The following KRTAP22-2 variants were observed in gnomAD, a reference collection of about 807,000 sequenced individuals.
The protein encoded by KRTAP22-2 is keratin-associated protein 22-2.
For synonymous variants in KRTAP22-2, 19 were observed against 21.1 expected, an observed-to-expected ratio of 0.90 and a Z score of 0.28; for missense variants, 52 against 51.2, an observed-to-expected ratio of 1.02 and a Z score of -0.05.
Position 30,590,170 on chromosome 21 carries a change from G to A in KRTAP22-2, c.*67C>T, listed in dbSNP as rs1158991208. ...TAGTTAAAATTGGAGAGACAATAAC[G>A]AATCCATAAATAACCCTGTTGATGC... On this transcript the variant is annotated 3_prime_UTR_variant, in exon 1 of 1. Coordinates refer to ENST00000382830, the MANE Select transcript of KRTAP22-2 (RefSeq NM_001164434.1). 2.1e-5 allele frequency: 29 copies of A among 1,406,828 alleles called. No homozygotes were observed. The highest frequency in any genetic ancestry group is 3.9e-5 in the South Asian group (3 of 77,310). 87.1% of individuals were successfully genotyped at this position (1,406,828 alleles called of 1,614,324 possible). A position where few individuals can be genotyped will look rare whatever the true frequency, so the allele number is the denominator to read the frequency against.
Position 30,590,268 on chromosome 21 carries a change from C to A in KRTAP22-2, c.107G>T (p.Arg36Ile). The change falls in exon 1 of 1, where the codon AGA becomes ATA. Residue 36 changes from arginine (R) to isoleucine (I), a missense_variant. Physicochemically the swap from Arg to Ile is moderately conservative, Grantham distance 97. Coordinates refer to ENST00000382830, the MANE Select transcript of KRTAP22-2 (RefSeq NM_001164434.1). ...TTTCTTTCTAGGAGCCAATAGGAAT[C>A]TTCCATAGGAGCACGGAAAGTTGCA... ...YACNFPCSYG[R>I]FLLAPRKKF 1 of 1,551,294 alleles carries A rather than the reference C, an allele frequency of 6.4e-7. No homozygotes were observed.
chr21:30,590,176 A>C lies in KRTAP22-2; in HGVS notation c.*61T>G. The C allele has an allele frequency of 6.8e-7, 1 of 1,470,582 alleles. No individual in the cohort carries two copies. The highest frequency in any genetic ancestry group is 1.4e-5 in the African/African-American group (1 of 71,358). 91.1% of individuals were successfully genotyped at this position (1,470,582 alleles called of 1,614,324 possible). ...AAATTGGAGAGACAATAACGAATCCATAAATAACCCTGTTGATGCAATTAG... is the reference window on the plus strand; with the variant it reads ...AAATTGGAGAGACAATAACGAATCCCTAAATAACCCTGTTGATGCAATTAG... On this transcript the variant is annotated 3_prime_UTR_variant, in exon 1 of 1. Coordinates refer to ENST00000382830, the MANE Select transcript of KRTAP22-2 (RefSeq NM_001164434.1).
chr21:30,590,270 T>C lies in KRTAP22-2; in HGVS notation c.105A>G (p.Gly35=). 3.2e-6 allele frequency: 5 copies of C among 1,551,228 alleles called. No homozygotes were observed. The highest frequency in any genetic ancestry group is 4.4e-6 in the Non-Finnish European group (5 of 1,146,686). ...GYACNFPCSY[G]RFLLAPRKKF is the part of the protein sequence containing the mutation. The stretch of plus-strand genomic sequence containing the variant: ...TCTTTCTAGGAGCCAATAGGAATCT[T>C]CCATAGGAGCACGGAAAGTTGCAGG... The change falls in exon 1 of 1, where the codon GGA becomes GGG. Residue 35 remains glycine, a synonymous_variant. Transcript: ENST00000382830.
In KRTAP22-2 at chr21:30,590,395, A is replaced by C; in HGVS notation, c.-21T>G. ...CACATGGTGTCAGAAGATGGAGTTC[A>C]ATTGAGGCAGATAGTAGTTTCTGAA... On this transcript the variant is annotated 5_prime_UTR_variant, in exon 1 of 1. It adds an upstream start codon to the 5' untranslated region. Coordinates refer to ENST00000382830, the MANE Select transcript of KRTAP22-2 (RefSeq NM_001164434.1). 6.5e-7 allele frequency: 1 copy of C among 1,548,546 alleles called. No homozygotes were observed. Among genetic ancestry groups the C allele is most frequent in the South Asian group, 1.2e-5 (1 of 83,842 alleles).
At chr21:30,590,297 A>T in the KRTAP22-2 span, 5 of 1,551,320 alleles carry the variant, frequency 3.2e-6, no homozygotes, top group Non-Finnish European at 4.4e-6. Context: ...AGTTGCAGGC[A>T]TATCCAGAGT....
In KRTAP22-2 at chr21:30,590,150, A is replaced by C. The variant is rs1979989529; in HGVS notation, c.*87T>G. 8.1e-7 allele frequency: 1 copy of C among 1,229,400 alleles called. No homozygotes were observed. The highest frequency in any genetic ancestry group is 1.1e-6 in the Non-Finnish European group (1 of 883,106). The allele number at this position is 1,229,400 out of a possible 1,614,324, so 76.2% of individuals were successfully genotyped here. A position where few individuals can be genotyped will look rare whatever the true frequency, so the allele number is the denominator to read the frequency against. ...TGGTAATCAATAATTAGAGTTAGTT[A>C]AAATTGGAGAGACAATAACGAATCC... On this transcript the variant is annotated 3_prime_UTR_variant, in exon 1 of 1. Transcript: ENST00000382830.
rs1449100822 is a variant in KRTAP22-2, at chr21:30,590,146, A to G, written c.*91T>C. 2.6e-6 allele frequency: 3 copies of G among 1,139,406 alleles called. No individual in the cohort carries two copies. Among genetic ancestry groups the G allele is most frequent in the Non-Finnish European group, 3.7e-6 (3 of 803,158 alleles). The allele number at this position is 1,139,406 out of a possible 1,614,324, so 70.6% of individuals were successfully genotyped here. A position where few individuals can be genotyped will look rare whatever the true frequency, so the allele number is the denominator to read the frequency against. Reference sequence around the variant, plus strand: ...CCTGTGGTAATCAATAATTAGAGTTAGTTAAAATTGGAGAGACAATAACGA... The same window carrying G: ...CCTGTGGTAATCAATAATTAGAGTTGGTTAAAATTGGAGAGACAATAACGA... On this transcript the variant is annotated 3_prime_UTR_variant, in exon 1 of 1. Transcript: ENST00000382830.
Position 30,590,284 on chromosome 21 carries a change from G to A in KRTAP22-2, c.91C>T (p.Pro31Ser). Residue 31 changes from proline to serine, a missense_variant, in exon 1 of 1, where the codon CCG (proline) becomes TCG (serine). Pro to Ser is a moderately conservative substitution (Grantham distance 74, BLOSUM62 -1). Coordinates refer to ENST00000382830, the MANE Select transcript of KRTAP22-2 (RefSeq NM_001164434.1). ...AATAGGAATCTTCCATAGGAGCACG[G>A]AAAGTTGCAGGCATATCCAGAGTTA... Reference protein sequence around the residue: ...YGNSGYACNFPCSYGRFLLAP... With the variant: ...YGNSGYACNFSCSYGRFLLAP... 6.4e-7 allele frequency: 1 copy of A among 1,551,336 alleles called. No homozygotes were observed. Among genetic ancestry groups the A allele is most frequent in the Non-Finnish European group, 8.7e-7 (1 of 1,146,688 alleles).
Position 30,590,186 on chromosome 21 carries a change from C to A in KRTAP22-2, c.*51G>T. On this transcript the variant is annotated 3_prime_UTR_variant, in exon 1 of 1. Coordinates refer to ENST00000382830, the MANE Select transcript of KRTAP22-2 (RefSeq NM_001164434.1). ...GACAATAACGAATCCATAAATAACC[C>A]TGTTGATGCAATTAGTGCATCACAA... is the stretch of plus-strand genomic sequence containing the variant. The A allele has an allele frequency of 6.6e-7, 1 of 1,511,934 alleles. No individual in the cohort carries two copies. Among genetic ancestry groups the A allele is most frequent in the South Asian group, 1.2e-5 (1 of 81,758 alleles). 93.7% of individuals were successfully genotyped at this position (1,511,934 alleles called of 1,614,324 possible).
chr21:30,590,256 G>A lies in KRTAP22-2; in HGVS notation c.119C>T (p.Ala40Val), dbSNP rs779850025. The change falls in exon 1 of 1, where the codon GCT (alanine) becomes GTT (valine). Residue 40 changes from alanine (A) to valine (V), a missense_variant. Transcript: ENST00000382830. ...FPCSYGRFLLAPRKKF is the reference protein window; with the variant it reads ...FPCSYGRFLLVPRKKF Reference sequence around the variant, plus strand: ...CAGCAATCAGAATTTCTTTCTAGGAGCCAATAGGAATCTTCCATAGGAGCA... The same window carrying A: ...CAGCAATCAGAATTTCTTTCTAGGAACCAATAGGAATCTTCCATAGGAGCA... 18 of 1,551,158 alleles carry A rather than the reference G, an allele frequency of 1.2e-5. No individual in the cohort carries two copies. The South Asian group carries it at 1.9e-4, about 16-fold the overall frequency.
rs1979990290 is a variant in KRTAP22-2 at position 30,590,169 on chromosome 21, C to T, written c.*68G>A. The T allele has an allele frequency of 3.6e-6, 5 of 1,407,178 alleles. No individual in the cohort carries two copies. The highest frequency in any genetic ancestry group is 2.9e-5 in the African/African-American group (2 of 69,996). 87.2% of individuals were successfully genotyped at this position (1,407,178 alleles called of 1,614,324 possible). ...TTAGTTAAAATTGGAGAGACAATAA[C>T]GAATCCATAAATAACCCTGTTGATG... is the stretch of plus-strand genomic sequence containing the variant. On this transcript the variant is annotated 3_prime_UTR_variant, in exon 1 of 1. Coordinates refer to ENST00000382830, the MANE Select transcript of KRTAP22-2 (RefSeq NM_001164434.1).
At position 30,590,220 on chromosome 21, in the gene KRTAP22-2, C is replaced by G. The variant is rs1979992094; in HGVS notation, c.*17G>C. The G allele has an allele frequency of 2.6e-6, 4 of 1,550,252 alleles. No individual in the cohort carries two copies. Among genetic ancestry groups the G allele is most frequent in the Non-Finnish European group, 3.5e-6 (4 of 1,146,092 alleles). On this transcript the variant is annotated 3_prime_UTR_variant, in exon 1 of 1. Transcript: ENST00000382830. ...CAATTAGTGCATCACAAGAAAATGG[C>G]TCAAAGTGATCAGCAATCAGAATTT...
Position 30,590,141 on chromosome 21 carries a change from G to A in KRTAP22-2, c.*96C>T. On this transcript the variant is annotated 3_prime_UTR_variant, in exon 1 of 1. Transcript: ENST00000382830. ...TATGACCTGTGGTAATCAATAATTA[G>A]AGTTAGTTAAAATTGGAGAGACAAT... 9.1e-7 allele frequency: 1 copy of A among 1,102,294 alleles called. No homozygotes were observed. The allele number at this position is 1,102,294 out of a possible 1,614,324, so 68.3% of individuals were successfully genotyped here. A position where few individuals can be genotyped will look rare whatever the true frequency, so the allele number is the denominator to read the frequency against.
In KRTAP22-2 at chr21:30,590,212, G is replaced by A; in HGVS notation, c.*25C>T. 1 of 1,548,838 alleles carries A rather than the reference G, an allele frequency of 6.5e-7. No individual in the cohort carries two copies. The highest frequency in any genetic ancestry group is 8.7e-7 in the Non-Finnish European group (1 of 1,145,190). ...TGTTGATGCAATTAGTGCATCACAA[G>A]AAAATGGCTCAAAGTGATCAGCAAT... On this transcript the variant is annotated 3_prime_UTR_variant, in exon 1 of 1. Transcript: ENST00000382830.
In KRTAP22-2 at chr21:30,590,321, GCCATAGCTGCAA is replaced by G; in HGVS notation, c.42_53del (p.Cys15_Gly18del). On this transcript the variant is annotated inframe_deletion, in exon 1 of 1. Transcript: ENST00000382830. The stretch of plus-strand genomic sequence containing the variant: ...CATATCCAGAGTTACCATATTCAGA[GCCATAGCTGCAA>G]CCATAGTCCAGGCTACCATAATAGT... The G allele has an allele frequency of 6.4e-7, 1 of 1,551,168 alleles. No individual in the cohort carries two copies. Among genetic ancestry groups the G allele is most frequent in the Non-Finnish European group, 8.7e-7 (1 of 1,146,560 alleles).
At position 30,590,389 on chromosome 21, in the gene KRTAP22-2, G is replaced by A. The variant is rs567036882; in HGVS notation, c.-15C>T. The A allele has an allele frequency of 3.0e-5, 46 of 1,549,138 alleles. No homozygotes were observed. Among genetic ancestry groups the A allele is most frequent in the East Asian group, 2.0e-4 (8 of 40,862 alleles). On this transcript the variant is annotated 5_prime_UTR_variant, in exon 1 of 1. Coordinates refer to ENST00000382830, the MANE Select transcript of KRTAP22-2 (RefSeq NM_001164434.1). ...TAGTAGCACATGGTGTCAGAAGATG[G>A]AGTTCAATTGAGGCAGATAGTAGTT...
In KRTAP22-2 at chr21:30,590,325, T is replaced by C. The variant is rs1979996228; in HGVS notation, c.50A>G (p.Tyr17Cys). The C allele has an allele frequency of 3.9e-6, 6 of 1,551,140 alleles. No homozygotes were observed. The highest frequency in any genetic ancestry group is 3.6e-5 in the South Asian group (3 of 84,054). The change falls in exon 1 of 1, where the codon TAT (tyrosine) becomes TGT (cysteine). Residue 17 changes from tyrosine to cysteine, a missense_variant. Tyr to Cys is a radical substitution (Grantham distance 194). Coordinates refer to ENST00000382830, the MANE Select transcript of KRTAP22-2 (RefSeq NM_001164434.1). ...YYGSLDYGCS[Y>C]GSEYGNSGYA... Reference sequence around the variant, plus strand: ...TCCAGAGTTACCATATTCAGAGCCATAGCTGCAACCATAGTCCAGGCTACC... The same window carrying C: ...TCCAGAGTTACCATATTCAGAGCCACAGCTGCAACCATAGTCCAGGCTACC...
At position 30,590,194 on chromosome 21, in the gene KRTAP22-2, G is replaced by A; in HGVS notation, c.*43C>T. 6.5e-7 allele frequency: 1 copy of A among 1,530,064 alleles called. No individual in the cohort carries two copies. The highest frequency in any genetic ancestry group is 2.5e-5 in the East Asian group (1 of 40,558). 94.8% of individuals were successfully genotyped at this position (1,530,064 alleles called of 1,614,324 possible). A position where few individuals can be genotyped will look rare whatever the true frequency, so the allele number is the denominator to read the frequency against. ...CGAATCCATAAATAACCCTGTTGAT[G>A]CAATTAGTGCATCACAAGAAAATGG... On this transcript the variant is annotated 3_prime_UTR_variant, in exon 1 of 1. Transcript: ENST00000382830.
In KRTAP22-2 at chr21:30,590,139, TAG is replaced by T. The variant is rs978237381; in HGVS notation, c.*96_*97del. ...AATATGACCTGTGGTAATCAATAAT[TAG>T]AGTTAGTTAAAATTGGAGAGACAAT... is the stretch of plus-strand genomic sequence containing the variant. On this transcript the variant is annotated 3_prime_UTR_variant, in exon 1 of 1. Transcript: ENST00000382830. 8.3e-6 allele frequency: 9 copies of T among 1,089,786 alleles called. No individual in the cohort carries two copies. In the African/African-American group the frequency reaches 1.4e-4, roughly 17 times the overall value. The allele number at this position is 1,089,786 out of a possible 1,614,324, so 67.5% of individuals were successfully genotyped here. A position where few individuals can be genotyped will look rare whatever the true frequency, so the allele number is the denominator to read the frequency against.
Sources: allele counts gnomAD v4.1 joint callset, GRCh38; gene constraint gnomAD v4.1.1; transcripts MANE v1.5; gene names NCBI Gene and HGNC (gene_info 2026-07-23, HGNC 2026-07-21).